Variants in LRRC8C observed in about 807,000 individuals in gnomAD.
The protein encoded by LRRC8C is volume-regulated anion channel subunit LRRC8C.
In LRRC8C, 20 loss-of-function variants were observed where a neutral mutation model predicts 55.3. The ratio of observed to expected loss-of-function variants is 0.36; its 90% CI spans 0.25 to 0.53. The LOEUF is 0.53. Among genes scored for constraint, LRRC8C ranks in the 20% least tolerant of loss-of-function variants. The pLI, the probability that LRRC8C is intolerant of heterozygous loss-of-function variation, is 0.92. For missense variants in LRRC8C, 659 were observed against 951.4 expected (o/e 0.69, Z 4.04); for synonymous variants, 376 against 360.7 (o/e 1.04, Z -0.48).
In LRRC8C at chr1:89,714,768, C is replaced by G. The variant is rs1658762876; in HGVS notation, c.2198C>G (p.Thr733Ser). The G allele has an allele frequency of 6.2e-7, 1 of 1,613,700 alleles. No individual in the cohort carries two copies. The highest frequency in any genetic ancestry group is 1.3e-5 in the African/African-American group (1 of 74,886). ...DELYFCKKLK[T>S]LKIGKNSLSV... ...CTCTACTTCTGCAAGAAACTTAAAA[C>G]TCTGAAGATTGGAAAAAACAGCCTA... The change falls in exon 3 of 3, where the codon ACT becomes AGT. Residue 733 changes from threonine (T) to serine (S), a missense_variant. Physicochemically the swap from Thr to Ser is moderately conservative, Grantham distance 58. Transcript: ENST00000370454. The surrounding 1 kb of genome is among the most constrained non-coding windows in gnomAD (Gnocchi z 4.6).
At chr1:89,624,964 C>T in the LRRC8C span, 5 of 152,088 alleles carry the variant, frequency 3.3e-5, no homozygotes, top group Non-Finnish European at 7.4e-5. Context: ...ACCATAGATT[C>T]CTATTTCTCA....
chr1:89,653,375 T>G (rs1271333351), intron 1 of LRRC8C, among the ~76,000 whole-genome samples: 7 of 152,264 alleles, frequency 4.6e-5, no homozygotes, highest in Non-Finnish European at 8.8e-5. Context: ...TGCAAATGTC[T>G]TTAATGTCTG....
chr1:89,693,181 A>G (rs753294440), intron 2 of LRRC8C, among the ~76,000 whole-genome samples: 5 of 152,222 alleles, frequency 3.3e-5, no homozygotes, highest in Non-Finnish European at 7.3e-5. Context: ...GCAGGGTCAC[A>G]CTATCAAAAA....
chr1:89,711,113 A>G (rs1476786691), intron 2 of LRRC8C, among the ~76,000 whole-genome samples: 1 of 152,218 alleles, frequency 6.6e-6, no homozygotes, highest in Non-Finnish European at 1.5e-5. Flanking sequence ...CTTCATCCCT[A>G]GAAGAGGTGT....
intron 1 of LRRC8C, among the ~76,000 whole-genome samples, chr1:89,644,939 A>G (rs1456067079): frequency 6.6e-6 from 1 of 152,192 alleles, no homozygotes; most frequent in African/African-American, 2.4e-5. Flanking sequence ...TATTTTCCAA[A>G]GGGAAATAAT....
chr1:89,620,817 A>C, the LRRC8C span, among the ~76,000 whole-genome samples: 5 of 152,200 alleles, frequency 3.3e-5, no homozygotes, highest in African/African-American at 9.6e-5. Context: ...AGTAAGTTCC[A>C]CTCAACTCTG....
chr1:89,637,990 G>A (rs940565116), intron 1 of LRRC8C, among the ~76,000 whole-genome samples: 1 of 152,008 alleles, frequency 6.6e-6, no homozygotes. Flanking sequence ...AGGTGATACG[G>A]GTTCAGAAAA....
chr1:89,664,765 C>T (rs889389793), intron 1 of LRRC8C, among the ~76,000 whole-genome samples: 1 of 152,176 alleles, frequency 6.6e-6, no homozygotes, highest in Admixed American at 6.5e-5. Context: ...TTGATTCTTT[C>T]TATCCATGAG....
At chr1:89,687,803 A>G (rs1249403288) in intron 2 of LRRC8C, among the ~76,000 whole-genome samples, 1 of 152,162 alleles carries the variant, frequency 6.6e-6, no homozygotes, top group African/African-American at 2.4e-5. Context: ...TATAGAAGCT[A>G]TGGGGTAGAT....
chr1:89,669,750 A>G (rs1657366395), intron 1 of LRRC8C, among the ~76,000 whole-genome samples: 1 of 152,200 alleles, frequency 6.6e-6, no homozygotes, highest in African/African-American at 2.4e-5. Flanking sequence ...CCCAACCACT[A>G]TGATTCTGAA....
At chr1:89,682,227 G>T (rs1409761751) in intron 1 of LRRC8C, among the ~76,000 whole-genome samples, 2 of 152,176 alleles carry the variant, frequency 1.3e-5, no homozygotes, top group Non-Finnish European at 1.5e-5. Flanking sequence ...ACTAAACTTT[G>T]CCATCTTGAC....
At chr1:89,641,642 C>T (rs1656459234) in intron 1 of LRRC8C, among the ~76,000 whole-genome samples, 1 of 152,014 alleles carries the variant, frequency 6.6e-6, no homozygotes, top group African/African-American at 2.4e-5. Context: ...TACATTTTTG[C>T]ATTAGGGTCA....
chr1:89,683,675 G>A (rs1032865822), intron 1 of LRRC8C, among the ~76,000 whole-genome samples: 1 of 152,004 alleles, frequency 6.6e-6, no homozygotes, highest in Admixed American at 6.5e-5. Flanking sequence ...TTAATATAAT[G>A]AAGTTTAAAA....
At chr1:89,670,308 C>T (rs1013458942) in intron 1 of LRRC8C, among the ~76,000 whole-genome samples, 5 of 152,286 alleles carry the variant, frequency 3.3e-5, no homozygotes, top group African/African-American at 1.2e-4. Context: ...TTAAACCTCG[C>T]ATTTTCATTT....
the LRRC8C span, among the ~76,000 whole-genome samples, chr1:89,621,128 T>C: frequency 0.026 from 4,001 of 152,176 alleles, 172 homozygotes; most frequent in African/African-American, 0.09. Flanking sequence ...TATTAAATGA[T>C]TTCCTCATCA....
chr1:89,656,037 G>A (rs988290617), intron 1 of LRRC8C, among the ~76,000 whole-genome samples: 12 of 152,206 alleles, frequency 7.9e-5, no homozygotes, highest in Non-Finnish European at 1.6e-4. Flanking sequence ...GCTGTGTCTC[G>A]ACTGTGATGC....
chr1:89,684,586 A>G (rs937667907), intron 1 of LRRC8C, among the ~76,000 whole-genome samples: 14 of 152,234 alleles, frequency 9.2e-5, no homozygotes, highest in Admixed American at 3.9e-4. Flanking sequence ...TGTTATTGCC[A>G]CTGAGACAAC....
intron 1 of LRRC8C, among the ~76,000 whole-genome samples, chr1:89,657,167 G>A (rs1656967408): frequency 6.6e-6 from 1 of 152,138 alleles, no homozygotes. Context: ...AAATGCAGAT[G>A]TCCAATGAGG....
At chr1:89,704,241 G>A (rs1488571802) in intron 2 of LRRC8C, among the ~76,000 whole-genome samples, 1 of 152,076 alleles carries the variant, frequency 6.6e-6, no homozygotes, top group African/African-American at 2.4e-5. Context: ...TCTGTTCTAT[G>A]TCCTCATCTC....
Sources: allele counts gnomAD v4.1 joint callset (sites outside exome capture counted in the v4.1 genomes callset), GRCh38; gene constraint gnomAD v4.1.1; non-coding constraint Gnocchi (gnomAD v3.1); transcripts MANE v1.5; gene names NCBI Gene and HGNC (gene_info 2026-07-23, HGNC 2026-07-21).